Variants in PBX1 observed in about 807,000 individuals in gnomAD.
PBX1 encodes the protein PBX homeobox 1.
In PBX1, 6 loss-of-function variants were observed where a neutral mutation model predicts 53.4. That is an observed-to-expected ratio of 0.11 (90% CI 0.06 to 0.22). The LOEUF is 0.22. PBX1 is among the 10% of genes least tolerant of loss of function. The probability of loss-of-function intolerance (pLI) is 1.00; values close to 1 mark genes in which losing one functional copy is unlikely to be tolerated. For missense variants in PBX1, 251 were observed against 551.4 expected (o/e 0.46, Z 5.46); for synonymous variants, 204 against 212.3 (o/e 0.96, Z 0.34).
intron 2 of PBX1, among the ~76,000 whole-genome samples, chr1:164,666,158 T>C (rs897378833): frequency 1.3e-5 from 2 of 152,138 alleles, no homozygotes; most frequent in Non-Finnish European, 2.9e-5. Context: ...TCCCAGAGGA[T>C]GTCCCCATTT....
chr1:164,561,767 A>G (rs1653066527), intron 1 of PBX1, among the ~76,000 whole-genome samples: 1 of 152,036 alleles, frequency 6.6e-6, no homozygotes, highest in Admixed American at 6.6e-5. Flanking sequence ...CAATTTTGGG[A>G]TGGGGAAATT....
At chr1:164,800,411 G>T (rs1414055999) in intron 4 of PBX1, among the ~76,000 whole-genome samples, 1 of 152,212 alleles carries the variant, frequency 6.6e-6, no homozygotes. Flanking sequence ...GACACAGAGG[G>T]ACAAGGAGGT....
At chr1:164,812,597 A>G (rs913521451) in intron 6 of PBX1, 8 of 153,276 alleles carry the variant, frequency 5.2e-5, no homozygotes, top group Non-Finnish European at 1.2e-4. Context: ...CTATGCAGAA[A>G]TATTTACTCT....
Position 164,789,735 on chromosome 1 carries a change from G to A in PBX1, c.266-2759G>A, listed in dbSNP as rs1424990234. 2.0e-5 allele frequency among the ~76,000 whole-genome samples: 3 copies of A among 152,318 alleles called. No individual in the cohort carries two copies. The East Asian group carries it at 5.8e-4, about 29-fold the overall frequency. On this transcript the variant is annotated intron_variant, in intron 2 of 8. Coordinates refer to ENST00000420696, the MANE Select transcript of PBX1 (RefSeq NM_002585.4). ...GCATGCAGGACCAGTTGGGTGTGGA[G>A]TAGCCAGGTGGACCCACTTGAAGGC... is the stretch of plus-strand genomic sequence containing the variant.
chr1:164,655,170 A>G (rs559916719), intron 2 of PBX1, among the ~76,000 whole-genome samples: 8 of 149,008 alleles, frequency 5.4e-5, no homozygotes, highest in South Asian at 4.2e-4. Flanking sequence ...CTGGAGTGCA[A>G]TGGTGCGATC....
intron 2 of PBX1, among the ~76,000 whole-genome samples, chr1:164,666,191 C>T (rs1190877403): frequency 6.6e-6 from 1 of 152,168 alleles, no homozygotes; most frequent in African/African-American, 2.4e-5. Context: ...GGGTGACTGT[C>T]TAACATAGTG....
chr1:164,842,999 A>C (rs1056152049), intron 8 of PBX1, among the ~76,000 whole-genome samples: 1 of 148,026 alleles, frequency 6.8e-6, no homozygotes, highest in Non-Finnish European at 1.5e-5. Context: ...TTTCCTACTT[A>C]ATATTCACCC....
intron 2 of PBX1, among the ~76,000 whole-genome samples, chr1:164,737,699 G>A (rs1403309315): frequency 5.3e-5 from 8 of 152,048 alleles, no homozygotes; most frequent in Non-Finnish European, 8.8e-5. Context: ...GGCTGATCTC[G>A]AACTCCCGGC....
At chr1:164,672,154 C>G (rs150066436) in intron 2 of PBX1, among the ~76,000 whole-genome samples, 1 of 151,616 alleles carries the variant, frequency 6.6e-6, no homozygotes, top group East Asian at 1.9e-4. Flanking sequence ...AGTGATTTCT[C>G]TGCAGCGTGT....
intron 2 of PBX1, among the ~76,000 whole-genome samples, chr1:164,749,790 A>G (rs1666097598): frequency 6.6e-6 from 1 of 152,154 alleles, no homozygotes; most frequent in African/African-American, 2.4e-5. Flanking sequence ...GCCCGTATAG[A>G]TGATCCACCC....
chr1:164,669,375 C>G (rs1357964615), intron 2 of PBX1, among the ~76,000 whole-genome samples: 1 of 152,150 alleles, frequency 6.6e-6, no homozygotes, highest in Non-Finnish European at 1.5e-5. Context: ...AACCGCTGCA[C>G]TGGGAATTAA....
At chr1:164,786,720 T>TGTGTGTGTGTGTGCGCGCGCGC (rs1357886882) in intron 2 of PBX1, among the ~76,000 whole-genome samples, 2 of 116,256 alleles carry the variant, frequency 1.7e-5, no homozygotes, top group African/African-American at 3.5e-5. Flanking sequence ...TGTGTGTGTG[T>TGTGTGTGTGTGTGCGCGCGCGC]GCGCGCGCAC....
chr1:164,841,811 T>C (rs1453395500), intron 8 of PBX1, among the ~76,000 whole-genome samples: 1 of 152,128 alleles, frequency 6.6e-6, no homozygotes, highest in East Asian at 1.9e-4. Context: ...TCTCTGTTTT[T>C]CTTCCCGGCC....
intron 4 of PBX1, among the ~76,000 whole-genome samples, chr1:164,801,036 C>A (rs758874548): frequency 6.6e-6 from 1 of 152,054 alleles, no homozygotes; most frequent in Non-Finnish European, 1.5e-5. Context: ...CTCTTTAAAA[C>A]GCCCTGGCAT....
intron 2 of PBX1, among the ~76,000 whole-genome samples, chr1:164,571,368 G>T (rs547441553): frequency 1.3e-5 from 2 of 152,102 alleles, no homozygotes; most frequent in East Asian, 3.9e-4. Context: ...CCTAGTCCCT[G>T]GTAACCACTA....
intron 2 of PBX1, among the ~76,000 whole-genome samples, chr1:164,746,369 A>G (rs1207994340): frequency 2.0e-5 from 3 of 152,034 alleles, no homozygotes; most frequent in Non-Finnish European, 4.4e-5. Context: ...TTCCTAAACT[A>G]TTCTTTTTTC....
At chr1:164,787,458 C>T (rs961769354) in intron 2 of PBX1, among the ~76,000 whole-genome samples, 14 of 152,090 alleles carry the variant, frequency 9.2e-5, no homozygotes, top group African/African-American at 2.9e-4. Context: ...ACTGTCCGCC[C>T]GCCTGGAGAA....
chr1:164,645,525 A>AG (rs1659400426), intron 2 of PBX1, among the ~76,000 whole-genome samples: 1 of 150,328 alleles, frequency 6.7e-6, no homozygotes, highest in Admixed American at 6.6e-5. Context: ...GCAGAGGAGA[A>AG]GGGGGGCTTA....
chr1:164,866,756 A>G (rs1372929732), intron 2 of PBX1, among the ~76,000 whole-genome samples: 1 of 152,204 alleles, frequency 6.6e-6, no homozygotes, highest in Non-Finnish European at 1.5e-5. Flanking sequence ...CCAGATAACT[A>G]TACTTTGAAG....
Sources: gnomAD v4.1 joint callset for allele counts (sites outside exome capture counted in the v4.1 genomes callset) on GRCh38, gnomAD v4.1.1 for gene constraint, MANE v1.5 for transcripts, NCBI Gene and HGNC (gene_info 2026-07-23, HGNC 2026-07-21) for gene names.